LRPPRC: variants seen among roughly 807,000 people sequenced by gnomAD.
The protein encoded by LRPPRC is leucine-rich PPR motif-containing protein, mitochondrial.
Under a neutral mutation model 180.3 loss-of-function variants are expected in LRPPRC, and 120 were observed. That is an observed-to-expected ratio of 0.67 (90% CI 0.57 to 0.77). The LOEUF (loss-of-function observed/expected upper bound fraction) is 0.77, where lower values mean the gene tolerates loss of function less well. Ranked by LOEUF, LRPPRC falls within the 30% of genes least tolerant of loss-of-function variation. The probability of loss-of-function intolerance (pLI) is 0.00; values close to 1 mark genes in which losing one functional copy is unlikely to be tolerated. For synonymous variants in LRPPRC, 723 were observed against 600.0 expected, an observed-to-expected ratio of 1.21 and a Z score of -3.00; for missense variants, 2,012 against 1,657.2, an observed-to-expected ratio of 1.21 and a Z score of -3.72.
chr2:43,922,545 G>T (rs1248850732), intron 27 of LRPPRC, among the ~76,000 whole-genome samples: 1 of 152,190 alleles, frequency 6.6e-6, no homozygotes, highest in Admixed American at 6.5e-5. Context: ...GGATCACAAG[G>T]TCAGGAGTTC....
intron 27 of LRPPRC, among the ~76,000 whole-genome samples, chr2:43,918,840 T>A (rs1671587773): frequency 6.8e-6 from 1 of 147,540 alleles, no homozygotes; most frequent in Admixed American, 6.8e-5. Context: ...TAGATATCTC[T>A]ATATATAGAG....
chr2:43,953,546 T>TA (rs1672987486), intron 14 of LRPPRC, among the ~76,000 whole-genome samples: 1 of 152,076 alleles, frequency 6.6e-6, no homozygotes, highest in Non-Finnish European at 1.5e-5. Context: ...AGTGGAAAGT[T>TA]AAAAAAATGA....
At chr2:43,928,245 T>C (rs925722199) in intron 25 of LRPPRC, among the ~76,000 whole-genome samples, 3 of 152,214 alleles carry the variant, frequency 2.0e-5, no homozygotes, top group Non-Finnish European at 4.4e-5. Flanking sequence ...AAGTCAAAAA[T>C]AACTGTCATT....
chr2:43,963,495 T>C (rs1673434095), intron 12 of LRPPRC, 93 bp downstream of exon 12: 1 of 846,630 alleles, frequency 1.2e-6, no homozygotes. Flanking sequence ...TTTTGAGTCC[T>C]CAGTTCAATG....
intron 1 of LRPPRC, among the ~76,000 whole-genome samples, chr2:43,994,652 C>T (rs1429811334): frequency 2.6e-5 from 4 of 152,172 alleles, no homozygotes. Flanking sequence ...CTTACGCGAG[C>T]TCTCAAAGTA....
In LRPPRC at chr2:43,974,490, T is replaced by G. The variant is rs1572567064; in HGVS notation, c.1009+124A>C. ...ACTCATGTTTTTGGGCTTATTTAAC[T>G]GACTTTAAGAGTTCTATGTTCAACT... On this transcript the variant is annotated intron_variant, in intron 8 of 37. Transcript: ENST00000260665. 7.1e-6 allele frequency: 6 copies of G among 840,036 alleles called. No homozygotes were observed. In the East Asian group the frequency reaches 1.6e-4, roughly 22 times the overall value. The allele number at this position is 840,036 out of a possible 1,614,324, so 52.0% of individuals were successfully genotyped here.
Position 43,887,684 on chromosome 2 carries a change from C to CCTAT in LRPPRC, c.*912_*915dup, listed in dbSNP as rs1375269798. ...TTATAATGGCAAACTCTCCTGACTA[C>CCTAT]CTATCTTAGAATTTTTTTGAAGTCA... On this transcript the variant is annotated 3_prime_UTR_variant, in exon 38 of 38. Transcript: ENST00000260665. 2 of 152,206 alleles carry CCTAT rather than the reference C, an allele frequency of 1.3e-5. No individual in the cohort carries two copies. The highest frequency in any genetic ancestry group is 4.8e-5 in the African/African-American group (2 of 41,446). The allele number at this position is 152,206 out of a possible 1,614,324, so 9.4% of individuals were successfully genotyped here.
chr2:43,953,157 T>C (rs1481557680), intron 14 of LRPPRC, among the ~76,000 whole-genome samples: 1 of 152,200 alleles, frequency 6.6e-6, no homozygotes, highest in Admixed American at 6.5e-5. Flanking sequence ...CTGCAGCCCC[T>C]GCCCTGATTC....
At position 43,918,106 on chromosome 2, in the gene LRPPRC, G is replaced by C; in HGVS notation, c.3067C>G (p.Leu1023Val). Residue 1023 changes from leucine to valine, a missense_variant, in exon 29 of 38, where the codon CTG (leucine) becomes GTG (valine). Coordinates refer to ENST00000260665, the MANE Select transcript of LRPPRC (RefSeq NM_133259.4). ...ELWYEDEKHS[L>V]NSSSASTTEP... ...GTGGTTGAGGCTGACGAAGAATTCA[G>C]GGAATGTTTTTCATCTTCATACCAC... 6 of 1,613,684 alleles carry C rather than the reference G, an allele frequency of 3.7e-6. No homozygotes were observed. Among genetic ancestry groups the C allele is most frequent in the African/African-American group, 1.3e-5 (1 of 74,918 alleles).
At chr2:43,965,345 C>A (rs1043701036) in intron 11 of LRPPRC, among the ~76,000 whole-genome samples, 11 of 152,142 alleles carry the variant, frequency 7.2e-5, no homozygotes, top group Non-Finnish European at 1.3e-4. Flanking sequence ...AGGCATGAGC[C>A]ACCACGCCCA....
chr2:43,938,977 A>G (rs1467034814), intron 23 of LRPPRC, among the ~76,000 whole-genome samples: 1 of 152,228 alleles, frequency 6.6e-6, no homozygotes, highest in Non-Finnish European at 1.5e-5. Context: ...ATACTTAAAC[A>G]ACAAAAGAAA....
intron 25 of LRPPRC, among the ~76,000 whole-genome samples, chr2:43,927,850 G>C (rs1671945116): frequency 6.6e-6 from 1 of 152,158 alleles, no homozygotes; most frequent in Non-Finnish European, 1.5e-5. Flanking sequence ...ATCATCAAAA[G>C]AACATCTAGG....
intron 14 of LRPPRC, among the ~76,000 whole-genome samples, chr2:43,955,489 A>G (rs1673073944): frequency 6.6e-6 from 1 of 151,450 alleles, no homozygotes; most frequent in Non-Finnish European, 1.5e-5. Flanking sequence ...AAAAAAAAAA[A>G]AAAGAAAAGA....
intron 30 of LRPPRC, 77 bp downstream of exon 30, chr2:43,912,355 T>G (rs1671292816): frequency 7.6e-7 from 1 of 1,315,636 alleles, no homozygotes; most frequent in East Asian, 2.3e-5. Flanking sequence ...CACAGCACAT[T>G]ACTATTATAA....
chr2:43,902,848 C>G (rs977455633), intron 31 of LRPPRC: 1 of 151,998 alleles, frequency 6.6e-6, no homozygotes, highest in African/African-American at 2.4e-5. Context: ...ACAATAATAA[C>G]AAAAATAAGA....
intron 29 of LRPPRC, among the ~76,000 whole-genome samples, chr2:43,913,947 G>C (rs1396150570): frequency 2.0e-5 from 3 of 152,138 alleles, no homozygotes; most frequent in South Asian, 2.1e-4. Flanking sequence ...ATTTTCATTT[G>C]AGTACCAGTA....
chr2:43,936,627 A>C (rs1290769694), intron 23 of LRPPRC, among the ~76,000 whole-genome samples: 5 of 152,256 alleles, frequency 3.3e-5, no homozygotes, highest in African/African-American at 1.2e-4. Context: ...AAAAAGTAAA[A>C]GACAACGAAG....
chr2:43,905,419 G>A (rs766517729), intron 31 of LRPPRC, among the ~76,000 whole-genome samples: 1 of 152,118 alleles, frequency 6.6e-6, no homozygotes, highest in Non-Finnish European at 1.5e-5. Context: ...CACAAATTTT[G>A]CATGTCTGAA....
intron 1 of LRPPRC, among the ~76,000 whole-genome samples, chr2:43,984,371 A>AT (rs1674437996): frequency 6.6e-6 from 1 of 152,220 alleles, no homozygotes; most frequent in African/African-American, 2.4e-5. Context: ...ATATTTTTTA[A>AT]ATGTAAGAGA....
Sources: allele counts gnomAD v4.1 joint callset (sites outside exome capture counted in the v4.1 genomes callset), GRCh38; gene constraint gnomAD v4.1.1; transcripts MANE v1.5; gene names NCBI Gene and HGNC (gene_info 2026-07-23, HGNC 2026-07-21).